Variants in CLCA4 observed in about 807,000 individuals in gnomAD.
The protein encoded by CLCA4 is chloride channel accessory 4.
A neutral mutation model predicts 78.9 loss-of-function variants in CLCA4; 69 were observed. The ratio of observed to expected loss-of-function variants is 0.87; its 90% confidence interval spans 0.72 to 1.07. The LOEUF (loss-of-function observed/expected upper bound fraction) is 1.07, where lower values mean the gene tolerates loss of function less well. Among genes scored for constraint, CLCA4 ranks in the 50% least tolerant of loss-of-function variants. The pLI is 0.00. For synonymous variants in CLCA4, 362 were observed against 375.8 expected (o/e 0.96, Z 0.42); for missense variants, 1,133 against 1,095.8 (o/e 1.03, Z -0.48).
rs1174560265 is a variant in CLCA4 at position 86,575,321 on chromosome 1, G to A, written c.1684-11G>A. ...TTTGGATACTTACTATATTTCTGTT[G>A]AAACTTTTAGGTGGGCACTTGGGCA... On this transcript the variant is annotated splice_polypyrimidine_tract_variant and intron_variant, in intron 10 of 13. Coordinates refer to ENST00000370563, the MANE Select transcript of CLCA4 (RefSeq NM_012128.4). 1 of 1,607,240 alleles carries A rather than the reference G, an allele frequency of 6.2e-7. No homozygotes were observed.
At chr1:86,571,459 C>A in intron 8 of CLCA4, 1 of 463,908 alleles carries the variant, frequency 2.2e-6, no homozygotes, top group Non-Finnish European at 3.8e-6. Context: ...AGATAGCATT[C>A]CTACATAACA....
At chr1:86,579,692 T>A in intron 13 of CLCA4, 105 bp downstream of exon 13, 1 of 835,416 alleles carries the variant, frequency 1.2e-6, no homozygotes, top group South Asian at 1.6e-5. Flanking sequence ...ATTGACAGCC[T>A]AGCAAAGTGT....
chr1:86,567,293 G>T, intron 6 of CLCA4, 131 bp from the exon 7 acceptor site: 2 of 781,302 alleles, frequency 2.6e-6, no homozygotes, highest in Non-Finnish European at 4.0e-6. Flanking sequence ...TTTGATAATT[G>T]CTTCCTTTAA....
chr1:86,560,587 C>A (rs1232367231), intron 3 of CLCA4, among the ~76,000 whole-genome samples: 1 of 152,144 alleles, frequency 6.6e-6, no homozygotes, highest in Non-Finnish European at 1.5e-5. Context: ...CTACATTAAA[C>A]TAGAGAATCC....
intron 1 of CLCA4, among the ~76,000 whole-genome samples, 185 bp downstream of exon 1, chr1:86,547,463 G>A (rs1024308931): frequency 6.6e-6 from 1 of 151,998 alleles, no homozygotes; most frequent in Non-Finnish European, 1.5e-5. Context: ...GCATTGTGTC[G>A]GGAACATTAT....
At chr1:86,550,084 T>G (rs72953592) in intron 1 of CLCA4, among the ~76,000 whole-genome samples, 97 of 152,352 alleles carry the variant, frequency 6.4e-4, no homozygotes, top group African/African-American at 2.1e-3. Context: ...TCTCCACTAC[T>G]GTGTTCTGCT....
Position 86,574,637 on chromosome 1 carries a change from C to T in CLCA4, c.1565C>T (p.Thr522Ile). 6.2e-7 allele frequency: 1 copy of T among 1,613,054 alleles called. No individual in the cohort carries two copies. The highest frequency in any genetic ancestry group is 8.5e-7 in the Non-Finnish European group (1 of 1,179,282). The change falls in exon 10 of 14, where the codon ACA becomes ATA. Residue 522 changes from threonine (T) to isoleucine (I), a missense_variant. Coordinates refer to ENST00000370563, the MANE Select transcript of CLCA4 (RefSeq NM_012128.4). ...GGAAAGGACACGTTCTTTCTCATCA[C>T]ATGGAACAGTCTGCCTCCCAGTATT... ...TVGKDTFFLI[T>I]WNSLPPSISL...
chr1:86,564,839 G>C (rs1650130222), intron 4 of CLCA4, among the ~76,000 whole-genome samples: 2 of 152,042 alleles, frequency 1.3e-5, no homozygotes, highest in Non-Finnish European at 2.9e-5. Context: ...AAGAACATTT[G>C]TGTCTATCCC....
chr1:86,577,717 A>C (rs1650560999), intron 11 of CLCA4, among the ~76,000 whole-genome samples, 185 bp from the exon 12 acceptor site: 1 of 152,120 alleles, frequency 6.6e-6, no homozygotes, highest in Admixed American at 6.6e-5. Context: ...AGATATCGAA[A>C]TAGCTCAAGG....
chr1:86,576,765 A>G (rs1048704225), intron 11 of CLCA4, among the ~76,000 whole-genome samples: 1 of 152,160 alleles, frequency 6.6e-6, no homozygotes, highest in Non-Finnish European at 1.5e-5. Flanking sequence ...AGGAAGATTC[A>G]TCACTGGGGC....
At chr1:86,565,597 T>C (rs1244643205) in intron 5 of CLCA4, 146 bp downstream of exon 5, 7 of 678,536 alleles carry the variant, frequency 1.0e-5, no homozygotes, top group African/African-American at 7.2e-5. Context: ...TTTGCTGAAC[T>C]AGTGCTATCT....
In CLCA4 at chr1:86,579,282, G is replaced by A. The variant is rs1253623017; in HGVS notation, c.2123-72G>A. The stretch of plus-strand genomic sequence containing the variant: ...TTTTTAGAAGGAAAAGACAAGTGAA[G>A]AAGGTGATTCACTGAATTATAATAA... On this transcript the variant is annotated intron_variant, in intron 12 of 13. Coordinates refer to ENST00000370563, the MANE Select transcript of CLCA4 (RefSeq NM_012128.4). 4 of 1,109,250 alleles carry A rather than the reference G, an allele frequency of 3.6e-6. No homozygotes were observed. In the Admixed American group the frequency reaches 7.5e-5, roughly 21 times the overall value. 68.7% of individuals were successfully genotyped at this position (1,109,250 alleles called of 1,614,324 possible).
chr1:86,552,032 T>C (rs577312294), intron 1 of CLCA4, among the ~76,000 whole-genome samples: 8 of 152,240 alleles, frequency 5.3e-5, no homozygotes, highest in African/African-American at 1.7e-4. Context: ...ACAAGGACCG[T>C]AGTGATGCCC....
chr1:86,565,948 A>C lies in CLCA4; in HGVS notation c.882A>C (p.Pro294=). ...NTIPMVTPPP[P]PVFSLLKISQ... ...TACCCATGGTGACACCACCTCCTCC[A>C]CCTGTCTTCTCATTGCTGAAGATCA... The change falls in exon 6 of 14, where the codon CCA becomes CCC. Residue 294 remains proline (P), a synonymous_variant. Transcript: ENST00000370563. The C allele has an allele frequency of 6.2e-7, 1 of 1,613,328 alleles. No individual in the cohort carries two copies. The highest frequency in any genetic ancestry group is 8.5e-7 in the Non-Finnish European group (1 of 1,179,428).
In CLCA4 at chr1:86,575,265, T is replaced by G. The variant is rs1650474132; in HGVS notation, c.1684-67T>G. 3.9e-6 allele frequency: 5 copies of G among 1,284,554 alleles called. No homozygotes were observed. In the East Asian group the frequency reaches 1.2e-4, roughly 30 times the overall value. 79.6% of individuals were successfully genotyped at this position (1,284,554 alleles called of 1,614,324 possible). On this transcript the variant is annotated intron_variant, in intron 10 of 13. Transcript: ENST00000370563. ...CCCATTATATAATTTATTTTAGAATTACATAATGGAAATATAGAAAGTAGC... is the reference window on the plus strand; with the variant it reads ...CCCATTATATAATTTATTTTAGAATGACATAATGGAAATATAGAAAGTAGC...
Position 86,565,305 on chromosome 1 carries a change from G to C in CLCA4, c.589G>C (p.Val197Leu), listed in dbSNP as rs1307365770. The C allele has an allele frequency of 6.2e-7, 1 of 1,607,242 alleles. No homozygotes were observed. Among genetic ancestry groups the C allele is most frequent in the Non-Finnish European group, 8.5e-7 (1 of 1,177,200 alleles). The change falls in exon 5 of 14, where the codon GTT becomes CTT. Residue 197 changes from valine to leucine, a missense_variant. By Grantham distance (32) the Val-to-Leu change is conservative. Coordinates refer to ENST00000370563, the MANE Select transcript of CLCA4 (RefSeq NM_012128.4). ...CSAGISGRNR[V>L]YKCQGGSCLS... ...CGCAGGTATCTCTGGTAGAAATAGA[G>C]TTTATAAGTGTCAAGGAGGCAGCTG...
At chr1:86,552,906 T>TC in intron 1 of CLCA4, 1 of 673,842 alleles carries the variant, frequency 1.5e-6, no homozygotes, top group East Asian at 2.6e-5. Context: ...GCCATCCATC[T>TC]CCCAGACGCT....
At chr1:86,548,683 GGA>G (rs1649567697) in intron 1 of CLCA4, among the ~76,000 whole-genome samples, 2 of 39,422 alleles carry the variant, frequency 5.1e-5, no homozygotes, top group Non-Finnish European at 4.2e-5. Context: ...CTCCCTCTCT[GGA>G]AAAAAAAAAA....
At chr1:86,569,730 G>A (rs1274723863) in intron 7 of CLCA4, among the ~76,000 whole-genome samples, 1 of 151,908 alleles carries the variant, frequency 6.6e-6, no homozygotes, top group Non-Finnish European at 1.5e-5. Context: ...ATACATATTA[G>A]TTTTGTCTTC....
Sources: gnomAD v4.1 joint callset for allele counts (sites outside exome capture counted in the v4.1 genomes callset) on GRCh38, gnomAD v4.1.1 for gene constraint, MANE v1.5 for transcripts, NCBI Gene and HGNC (gene_info 2026-07-23, HGNC 2026-07-21) for gene names.